Variants in GSE1 observed in about 807,000 individuals in gnomAD.
GSE1 encodes Gse1 coiled-coil protein.
In GSE1, 32 loss-of-function variants were observed where a neutral mutation model predicts 112.6. The observed-to-expected ratio is 0.28, with a 90% CI of 0.21 to 0.38. The LOEUF (loss-of-function observed/expected upper bound fraction) is 0.38, where lower values mean the gene tolerates loss of function less well. Among genes scored for constraint, GSE1 ranks in the 10% least tolerant of loss-of-function variants. GSE1 has a pLI of 1.00. For synonymous variants in GSE1, 1,115 were observed against 735.6 expected, an observed-to-expected ratio of 1.52 and a Z score of -8.35; for missense variants, 2,348 against 1,699.2, an observed-to-expected ratio of 1.38 and a Z score of -6.71.
intron 2 of GSE1, among the ~76,000 whole-genome samples, chr16:85,485,175 A>T (rs540584206): frequency 1.3e-5 from 2 of 152,226 alleles, no homozygotes; most frequent in African/African-American, 2.4e-5. Flanking sequence ...ACACCTCCCA[A>T]GGAAGTGGAG....
At chr16:85,284,548 T>G (rs532458307) in intron 1 of GSE1, among the ~76,000 whole-genome samples, 1 of 152,276 alleles carries the variant, frequency 6.6e-6, no homozygotes, top group East Asian at 1.9e-4. Flanking sequence ...GTCCACCAAT[T>G]AAGGGATTTG....
rs896929748 is a variant in GSE1, at chr16:85,311,074, C to T, written c.2284-46389C>T. Among the ~76,000 whole-genome samples the T allele has an allele frequency of 5.9e-5, 9 of 152,336 alleles. No homozygotes were observed. Among genetic ancestry groups the T allele is most frequent in the Admixed American group, 3.3e-4 (5 of 15,290 alleles). On this transcript the variant is annotated intron_variant, in intron 1 of 2. Transcript: ENST00000637419. The surrounding 1 kb of genome is among the most constrained non-coding windows in gnomAD (Gnocchi z 4.2). The stretch of plus-strand genomic sequence containing the variant: ...ATGGCTCTGTCAAGAAGGATTATCT[C>T]GTCCTCCAGCAGGCAGGGCATCTGA...
At chr16:85,542,924 G>A (rs955263749) in intron 2 of GSE1, among the ~76,000 whole-genome samples, 1 of 152,182 alleles carries the variant, frequency 6.6e-6, no homozygotes, top group Non-Finnish European at 1.5e-5. Context: ...TAGCGTAAAT[G>A]CCCTTAAGAA....
intron 2 of GSE1, among the ~76,000 whole-genome samples, chr16:85,482,035 C>T (rs909832590): frequency 1.3e-5 from 2 of 152,246 alleles, no homozygotes; most frequent in African/African-American, 4.8e-5. Flanking sequence ...CTCAGTCATT[C>T]GGCCTTTGGA....
At chr16:85,364,241 T>C (rs954978488) in intron 2 of GSE1, among the ~76,000 whole-genome samples, 54 of 152,180 alleles carry the variant, frequency 3.5e-4, no homozygotes, top group Non-Finnish European at 6.8e-4. Flanking sequence ...TCAGCGTCTC[T>C]CAGACCCTGC....
At chr16:85,322,760 C>T (rs537301695) in intron 1 of GSE1, among the ~76,000 whole-genome samples, 9 of 152,178 alleles carry the variant, frequency 5.9e-5, no homozygotes, top group South Asian at 2.1e-4. Context: ...GGACTACAGA[C>T]GTCCACCACC....
chr16:85,273,959 A>C (rs1390819581), intron 1 of GSE1, among the ~76,000 whole-genome samples: 2 of 150,486 alleles, frequency 1.3e-5, no homozygotes, highest in Non-Finnish European at 3.0e-5. Context: ...GGCCTCCCAA[A>C]GTGCTGGGAT....
intron 2 of GSE1, among the ~76,000 whole-genome samples, chr16:85,446,717 G>A (rs1464248231): frequency 6.6e-6 from 1 of 152,206 alleles, no homozygotes; most frequent in Non-Finnish European, 1.5e-5. Flanking sequence ...GGGAACGGAG[G>A]AACAAGGGAA....
At chr16:85,654,482 G>T (rs200800628) in intron 4 of GSE1, 32 bp downstream of exon 4, 97 of 1,538,296 alleles carry the variant, frequency 6.3e-5, no homozygotes, top group Non-Finnish European at 1.5e-5. Context: ...TCGGTGAGGT[G>T]GCCAGGTGGG....
At chr16:85,635,263 G>A (rs2049894250) in intron 2 of GSE1, among the ~76,000 whole-genome samples, 1 of 152,170 alleles carries the variant, frequency 6.6e-6, no homozygotes, top group African/African-American at 2.4e-5. Context: ...GGCCCAGGAG[G>A]GAGGCCCGTT....
At chr16:85,271,840 A>G (rs971745691) in intron 1 of GSE1, among the ~76,000 whole-genome samples, 3 of 152,148 alleles carry the variant, frequency 2.0e-5, no homozygotes, top group Admixed American at 6.5e-5. Context: ...TTGGTGAAGC[A>G]ATGGGTCACA....
At chr16:85,652,889 G>T (rs1310644094) in intron 3 of GSE1, among the ~76,000 whole-genome samples, 1 of 152,012 alleles carries the variant, frequency 6.6e-6, no homozygotes, top group South Asian at 2.1e-4. Context: ...GCAGAGCGGG[G>T]CTGGTGCTCT....
chr16:85,455,592 C>T (rs1184503241), intron 2 of GSE1, among the ~76,000 whole-genome samples: 2 of 152,076 alleles, frequency 1.3e-5, no homozygotes, highest in African/African-American at 2.4e-5. Flanking sequence ...TGGGGGACCC[C>T]GATTATCTGG....
intron 1 of GSE1, among the ~76,000 whole-genome samples, chr16:85,246,730 G>A (rs868451637): frequency 6.6e-6 from 1 of 152,026 alleles, no homozygotes; most frequent in Non-Finnish European, 1.5e-5. Flanking sequence ...GGCCTGGGGG[G>A]CAGCCAAAGG....
chr16:85,512,808 G>A (rs1250003381), intron 2 of GSE1, among the ~76,000 whole-genome samples: 1 of 152,162 alleles, frequency 6.6e-6, no homozygotes, highest in Non-Finnish European at 1.5e-5. Context: ...TCGCAGGTCC[G>A]AGAGGGTCGG....
intron 2 of GSE1, among the ~76,000 whole-genome samples, chr16:85,514,719 C>T (rs767900726): frequency 5.3e-5 from 8 of 152,126 alleles, no homozygotes; most frequent in East Asian, 1.9e-4. Flanking sequence ...CCAGATCACA[C>T]GTCCAGGCCC....
At chr16:85,592,176 T>G (rs1444116035) in intron 1 of GSE1, 2 of 152,028 alleles carry the variant, frequency 1.3e-5, no homozygotes, top group East Asian at 3.8e-4. Context: ...TTTTGTTTTT[T>G]TTTTGAGACG....
chr16:85,291,280 T>C (rs934083346), intron 1 of GSE1, among the ~76,000 whole-genome samples: 6 of 152,054 alleles, frequency 3.9e-5, no homozygotes, highest in Admixed American at 3.9e-4. Context: ...CAGGCGTCCC[T>C]CCTCACCCTC....
chr16:85,637,286 G>C (rs991401951), intron 2 of GSE1, among the ~76,000 whole-genome samples: 1 of 152,212 alleles, frequency 6.6e-6, no homozygotes, highest in South Asian at 2.1e-4. Flanking sequence ...GACCCTGAGC[G>C]TGACATCTCC....
Sources: gnomAD v4.1 joint callset for allele counts (sites outside exome capture counted in the v4.1 genomes callset) on GRCh38, gnomAD v4.1.1 for gene constraint, Gnocchi (gnomAD v3.1) non-coding constraint, MANE v1.5 for transcripts, NCBI Gene and HGNC (gene_info 2026-07-23, HGNC 2026-07-21) for gene names.